The following PLEKHN1 variants were observed in gnomAD, a reference collection of about 807,000 sequenced individuals.
The protein encoded by PLEKHN1 is pleckstrin homology domain-containing family N member 1.
In PLEKHN1, 68 loss-of-function variants were observed where a neutral mutation model predicts 72.8. That is an observed-to-expected ratio of 0.93 (90% CI 0.77 to 1.14). PLEKHN1 has a LOEUF of 1.14. Among genes scored for constraint, PLEKHN1 ranks in the 50% most tolerant of loss-of-function variants. The pLI is 0.00. For missense variants in PLEKHN1, 1,015 were observed against 840.5 expected (o/e 1.21, Z -2.57); for synonymous variants, 454 against 371.6 (o/e 1.22, Z -2.55).
At chr1:969,974 T>TGGG (rs1387431602) in intron 2 of PLEKHN1, among the ~76,000 whole-genome samples, 1 of 151,980 alleles carries the variant, frequency 6.6e-6, no homozygotes, top group Non-Finnish European at 1.5e-5. Context: ...TCTGTGCCTG[T>TGGG]GGGGGGCTGT....
At position 973,627 on chromosome 1, in the gene PLEKHN1, G is replaced by C; in HGVS notation, c.1421G>C (p.Arg474Pro). Residue 474 changes from arginine to proline, a missense_variant, in exon 13 of 16, where the codon CGG becomes CCG. By Grantham distance (103) the Arg-to-Pro change is moderately radical. Coordinates refer to ENST00000379410, the MANE Select transcript of PLEKHN1 (RefSeq NM_032129.3). ...TCCCACCGCAGGGTCACAGATGTCC[G>C]GGGCCTGGAGGAGGTCAGGCCCCTG... Reference protein sequence around the residue: ...ATSHRRVTDVRGLEEFLSAMQ... With the variant: ...ATSHRRVTDVPGLEEFLSAMQ... The C allele has an allele frequency of 6.2e-7, 1 of 1,612,634 alleles. No individual in the cohort carries two copies. The highest frequency in any genetic ancestry group is 8.5e-7 in the Non-Finnish European group (1 of 1,179,908).
Position 974,438 on chromosome 1 carries a change from C to T in PLEKHN1, c.1703-4C>T. On this transcript the variant is annotated splice_region_variant and splice_polypyrimidine_tract_variant and intron_variant, in intron 15 of 15. Coordinates refer to ENST00000379410, the MANE Select transcript of PLEKHN1 (RefSeq NM_032129.3). ...GGCTGACACATCTCTGCCTTCCCTACCAGATGGTCGGTCCCCCAGGAGGAG... is the reference window on the plus strand; with the variant it reads ...GGCTGACACATCTCTGCCTTCCCTATCAGATGGTCGGTCCCCCAGGAGGAG... 1 of 1,612,908 alleles carries T rather than the reference C, an allele frequency of 6.2e-7. No homozygotes were observed. Among genetic ancestry groups the T allele is most frequent in the African/African-American group, 1.3e-5 (1 of 75,056 alleles).
At chr1:971,748 G>T (rs1194541313) in intron 8 of PLEKHN1, among the ~76,000 whole-genome samples, 2 of 152,184 alleles carry the variant, frequency 1.3e-5, no homozygotes, top group East Asian at 3.9e-4. Flanking sequence ...CGGGAAGGGG[G>T]TGTGCACTCA....
At chr1:968,596 C>G (rs527991761) in intron 2 of PLEKHN1, among the ~76,000 whole-genome samples, 1 of 152,326 alleles carries the variant, frequency 6.6e-6, no homozygotes, top group South Asian at 2.1e-4. Flanking sequence ...GCTCCCATTC[C>G]CACGGCAGAG....
At position 974,588 on chromosome 1, in the gene PLEKHN1, G is replaced by T. The variant is rs1380802755; in HGVS notation, c.*13G>T. The T allele has an allele frequency of 1.9e-6, 3 of 1,606,160 alleles. No individual in the cohort carries two copies. Among genetic ancestry groups the T allele is most frequent in the South Asian group, 1.1e-5 (1 of 90,354 alleles). On this transcript the variant is annotated 3_prime_UTR_variant, in exon 16 of 16. Transcript: ENST00000379410. ...GCAGTGGATCTGATGGCCGCGGTGAGGTGGGTTCTCAGGACCACCCTCGCC... is the reference window on the plus strand; with the variant it reads ...GCAGTGGATCTGATGGCCGCGGTGATGTGGGTTCTCAGGACCACCCTCGCC...
At chr1:973,797 C>A in intron 13 of PLEKHN1, 36 bp from the exon 14 acceptor site, 5 of 1,593,804 alleles carry the variant, frequency 3.1e-6, no homozygotes, top group Non-Finnish European at 4.3e-6. Context: ...GGGCCCCTGG[C>A]TGCCACCCAG....
intron 8 of PLEKHN1, 143 bp downstream of exon 8, chr1:971,547 C>A: frequency 2.6e-6 from 2 of 769,896 alleles, no homozygotes; most frequent in South Asian, 3.3e-5. Flanking sequence ...CGGTCCTGGT[C>A]AGTCTGGTCT....
chr1:973,294 CCT>C lies in PLEKHN1; in HGVS notation c.1262_1263del (p.Pro421ArgfsTer24). ...CAAGGCCCGGGCAGAGGGCCGCGGC[CCT>C]GTCACCCCACTGCACCTGGACCTGA... ...GSKARAEGRG[P>X]VTPLHLDLTQ... is the part of the protein sequence containing the mutation. On this transcript the variant is annotated frameshift_variant, in exon 12 of 16. Transcript: ENST00000379410. LOFTEE classifies it high-confidence loss of function. 1 of 1,545,048 alleles carries C rather than the reference CCT, an allele frequency of 6.5e-7. No homozygotes were observed. The highest frequency in any genetic ancestry group is 8.8e-7 in the Non-Finnish European group (1 of 1,141,390).
rs200897850 is a variant in PLEKHN1 at position 970,598 on chromosome 1, T to G, written c.408T>G (p.Phe136Leu). Residue 136 changes from phenylalanine (F) to leucine (L), a missense_variant, in exon 4 of 16, where the codon TTT (phenylalanine) becomes TTG (leucine). Coordinates refer to ENST00000379410, the MANE Select transcript of PLEKHN1 (RefSeq NM_032129.3). This position sits in a 1 kb window ranked among gnomAD's most constrained non-coding sequence, Gnocchi z 4.2. ...CCCACGGCTCGGAAGGACTCACATTTCAGGTGAGGCGGTGGGCAATGGGGT... is the reference window on the plus strand; with the variant it reads ...CCCACGGCTCGGAAGGACTCACATTGCAGGTGAGGCGGTGGGCAATGGGGT... ...FQAHGSEGLTFQGLLPLTELS... is the reference protein window; with the variant it reads ...FQAHGSEGLTLQGLLPLTELS... The G allele has an allele frequency of 6.2e-7, 1 of 1,612,366 alleles. No homozygotes were observed. The highest frequency in any genetic ancestry group is 1.7e-5 in the Admixed American group (1 of 59,934).
In PLEKHN1 at chr1:972,878, A is replaced by G. The variant is rs761937040; in HGVS notation, c.1020A>G (p.Arg340=). 1 of 1,556,098 alleles carries G rather than the reference A, an allele frequency of 6.4e-7. No homozygotes were observed. The highest frequency in any genetic ancestry group is 1.2e-5 in the South Asian group (1 of 84,586). ...FPGSQVMGSG[R]GSLSSGGQTS... ...CCATCCAGGTTATGGGCAGTGGCCG[A>G]GGCTCACTCTCCTCAGGCGGACAGA... Residue 340 remains arginine, a synonymous_variant, in exon 11 of 16, where the codon CGA becomes CGG. Coordinates refer to ENST00000379410, the MANE Select transcript of PLEKHN1 (RefSeq NM_032129.3).
chr1:974,286 G>T (rs201011738), intron 14 of PLEKHN1, 30 bp from the exon 15 acceptor site: 1 of 1,612,916 alleles, frequency 6.2e-7, no homozygotes, highest in Admixed American at 1.7e-5. Context: ...GGCTGTGCCC[G>T]GCTCTCAGAC....
intron 2 of PLEKHN1, among the ~76,000 whole-genome samples, chr1:968,972 G>A (rs1484022566): frequency 6.6e-6 from 1 of 152,158 alleles, no homozygotes; most frequent in Non-Finnish European, 1.5e-5. Flanking sequence ...ACAGAGGATC[G>A]ACCCCAGAAA....
chr1:966,850 C>A (rs1643014838), intron 2 of PLEKHN1, 47 bp downstream of exon 2: 2 of 1,510,430 alleles, frequency 1.3e-6, no homozygotes, highest in Non-Finnish European at 1.8e-6. Context: ...CGTGGCTCTG[C>A]CCGCGCGTGT....
At chr1:974,086 C>T (rs760192614) in intron 14 of PLEKHN1, 35 bp downstream of exon 14, 10 of 1,543,336 alleles carry the variant, frequency 6.5e-6, no homozygotes, top group South Asian at 1.2e-5. Context: ...GTGCCCCGGG[C>T]TCCGGGCTGG....
intron 13 of PLEKHN1, 50 bp downstream of exon 13, chr1:973,690 AGGCTGG>A: frequency 6.2e-7 from 1 of 1,601,092 alleles, no homozygotes; most frequent in South Asian, 1.1e-5. Flanking sequence ...CTGCAGCCTG[AGGCTGG>A]GGAGGTCTAG....
intron 2 of PLEKHN1, among the ~76,000 whole-genome samples, chr1:968,653 G>A (rs13302925): frequency 1.4e-4 from 21 of 152,208 alleles, no homozygotes; most frequent in Non-Finnish European, 2.2e-4. Flanking sequence ...GGGTCAGGTC[G>A]GTGCTAAGGA....
intron 6 of PLEKHN1, 46 bp downstream of exon 6, chr1:971,052 G>T: frequency 1.3e-6 from 2 of 1,579,988 alleles, no homozygotes; most frequent in Non-Finnish European, 1.7e-6. Context: ...GATCCTCGCA[G>T]CCGGCTCTGA....
At chr1:967,108 G>A (rs1036660599) in intron 2 of PLEKHN1, among the ~76,000 whole-genome samples, 2 of 152,234 alleles carry the variant, frequency 1.3e-5, no homozygotes, top group Non-Finnish European at 2.9e-5. Flanking sequence ...TCGCTGCAGT[G>A]GGGCTTGGGG....
At chr1:967,739 C>T (rs988244918) in intron 2 of PLEKHN1, among the ~76,000 whole-genome samples, 1 of 152,194 alleles carries the variant, frequency 6.6e-6, no homozygotes, top group African/African-American at 2.4e-5. Context: ...ACCACGCTGC[C>T]TCAGAGGAGT....
Sources: allele counts gnomAD v4.1 joint callset (sites outside exome capture counted in the v4.1 genomes callset), GRCh38; gene constraint gnomAD v4.1.1; non-coding constraint Gnocchi (gnomAD v3.1); transcripts MANE v1.5; gene names NCBI Gene and HGNC (gene_info 2026-07-23, HGNC 2026-07-21).